Variants in TSPAN16 observed in about 807,000 individuals in gnomAD.
The protein encoded by TSPAN16 is tetraspanin-16.
A neutral mutation model predicts 25.2 loss-of-function variants in TSPAN16; 23 were observed. That is an observed-to-expected ratio of 0.91 (90% CI 0.66 to 1.29). The LOEUF is 1.29. Ranked by LOEUF, TSPAN16 falls within the 50% of genes most tolerant of loss-of-function variation. TSPAN16 has a pLI of 0.00. For missense variants in TSPAN16, 272 were observed against 299.9 expected, an observed-to-expected ratio of 0.91 and a Z score of 0.69; for synonymous variants, 123 against 124.4, an observed-to-expected ratio of 0.99 and a Z score of 0.08.
At chr19:11,302,885 A>AT (rs768528967) in intron 4 of TSPAN16, among the ~76,000 whole-genome samples, 2,555 of 135,070 alleles carry the variant, frequency 0.019, 40 homozygotes, top group Admixed American at 0.036. Flanking sequence ...TGCCTGGCTA[A>AT]TTTTTTTTTT....
downstream of TSPAN16, among the ~76,000 whole-genome samples, chr19:11,319,406 TG>T (rs1467836074): frequency 2.2e-4 from 33 of 152,280 alleles, no homozygotes; most frequent in African/African-American, 7.9e-4. Context: ...GAGACCAGCC[TG>T]GCCTATATGA....
chr19:11,300,985 C>T (rs1295003176), intron 3 of TSPAN16: 3 of 523,940 alleles, frequency 5.7e-6, no homozygotes, highest in East Asian at 6.5e-5. Context: ...ACGCTTGGCT[C>T]CAGACCCACG....
At chr19:11,296,610 G>C (rs2080480967) in intron 1 of TSPAN16, among the ~76,000 whole-genome samples, 1 of 152,250 alleles carries the variant, frequency 6.6e-6, no homozygotes, top group South Asian at 2.1e-4. Context: ...GGTGATGGAA[G>C]AGCTTGGCTC....
chr19:11,321,789 G>A (rs984564573), intron 6 of TSPAN16, among the ~76,000 whole-genome samples: 32 of 152,268 alleles, frequency 2.1e-4, no homozygotes, highest in East Asian at 1.9e-4. Context: ...GGAGGAATGC[G>A]CTGTGACTCA....
chr19:11,298,830 C>T lies in TSPAN16; in HGVS notation c.268-42C>T, dbSNP rs2080509511. On this transcript the variant is annotated intron_variant, in intron 2 of 6. Coordinates refer to ENST00000590327, the MANE Select transcript of TSPAN16 (RefSeq NM_001282509.2). The stretch of plus-strand genomic sequence containing the variant: ...TGCAGGGTATAAGGTCGGGAGGAGG[C>T]TGAGCAGGCTCCCAGGCCCTCTCTC... The T allele has an allele frequency of 6.9e-6, 11 of 1,585,138 alleles. No homozygotes were observed. The East Asian group carries it at 2.5e-4, about 35-fold the overall frequency.
intron 4 of TSPAN16, among the ~76,000 whole-genome samples, chr19:11,302,070 C>G (rs1169519012): frequency 6.6e-6 from 1 of 152,186 alleles, no homozygotes; most frequent in South Asian, 2.1e-4. Flanking sequence ...GTGATCCACC[C>G]GCCTTGGCAT....
Position 11,298,403 on chromosome 19 carries a change from C to A in TSPAN16, c.267+64C>A, listed in dbSNP as rs2080504143. 6 of 1,506,574 alleles carry A rather than the reference C, an allele frequency of 4.0e-6. No individual in the cohort carries two copies. The South Asian group carries it at 5.9e-5, about 15-fold the overall frequency. The allele number at this position is 1,506,574 out of a possible 1,614,324, so 93.3% of individuals were successfully genotyped here. On this transcript the variant is annotated intron_variant, in intron 2 of 6. Transcript: ENST00000590327. ...CCACACACACAAATCTTTTATTGTG[C>A]GTGTTGCAAACAACTTTGCTTGGTG...
intron 6 of TSPAN16, among the ~76,000 whole-genome samples, chr19:11,314,741 G>A (rs142639309): frequency 6.6e-6 from 1 of 152,038 alleles, no homozygotes; most frequent in African/African-American, 2.4e-5. Flanking sequence ...AGGCCTGAAG[G>A]CTCTAGAAAG....
downstream of TSPAN16, among the ~76,000 whole-genome samples, chr19:11,320,065 G>A (rs542939923): frequency 6.1e-4 from 92 of 149,870 alleles, no homozygotes; most frequent in Middle Eastern, 7.0e-3. Context: ...TGACCTGCCC[G>A]CCTCCGCCTC....
downstream of TSPAN16, among the ~76,000 whole-genome samples, chr19:11,320,401 C>G (rs1266835560): frequency 3.3e-5 from 5 of 152,162 alleles, no homozygotes; most frequent in Admixed American, 6.5e-5. Context: ...GAATGACAGG[C>G]ATGAGCCACC....
At chr19:11,300,886 G>C (rs551684230) in intron 3 of TSPAN16, 65 of 208,900 alleles carry the variant, frequency 3.1e-4, no homozygotes, top group Non-Finnish European at 5.8e-4. Context: ...TTCTTTAATG[G>C]AGTTACAGCC....
In TSPAN16 at chr19:11,306,752, A is replaced by G. The variant is rs764031166; in HGVS notation, c.599A>G (p.Gln200Arg). The change falls in exon 5 of 7, where the codon CAG becomes CGG. Residue 200 changes from glutamine to arginine, a missense_variant. Transcript: ENST00000590327. ...GRDVSPNVIH[Q>R]KGCFHKLLKI... ...GATGTGTCTCCAAACGTCATCCACC[A>G]GAAGGTAACTGGAGATTTTGTGTGT... The G allele has an allele frequency of 1.9e-6, 3 of 1,613,606 alleles. No individual in the cohort carries two copies. Among genetic ancestry groups the G allele is most frequent in the Non-Finnish European group, 2.5e-6 (3 of 1,179,674 alleles).
intron 2 of TSPAN16, among the ~76,000 whole-genome samples, chr19:11,298,641 C>T (rs957901749): frequency 6.6e-6 from 1 of 152,040 alleles, no homozygotes; most frequent in African/African-American, 2.4e-5. Flanking sequence ...GCCATGTTGG[C>T]CAGGCTGGTC....
intron 6 of TSPAN16, 37 bp downstream of exon 6, chr19:11,312,259 T>C: frequency 6.7e-7 from 1 of 1,485,170 alleles, no homozygotes; most frequent in Non-Finnish European, 9.3e-7. Flanking sequence ...TGAGCTGTTT[T>C]ATTAAGCACC....
In TSPAN16 at chr19:11,296,302, C is replaced by T. The variant is rs2080477096; in HGVS notation, c.5C>T (p.Ala2Val). 1 of 1,614,152 alleles carries T rather than the reference C, an allele frequency of 6.2e-7. No homozygotes were observed. Among genetic ancestry groups the T allele is most frequent in the Non-Finnish European group, 8.5e-7 (1 of 1,180,018 alleles). M[A>V]EIHTPYSSLK... is the part of the protein sequence containing the mutation. The stretch of plus-strand genomic sequence containing the variant: ...GGGTGCCCCAGTCTGTTCAGCATGG[C>T]TGAAATCCACACTCCGTATTCTTCC... Residue 2 changes from alanine to valine, a missense_variant, in exon 1 of 7, where the codon GCT becomes GTT. Ala to Val is a moderately conservative substitution (Grantham distance 64). Transcript: ENST00000590327.
chr19:11,306,939 C>A lies in TSPAN16; in HGVS notation c.603+183C>A, dbSNP rs569495635. ...CAAGTGATTCTCCCGCCCCAGCCTC[C>A]CAAGTAGCTGGGATCACAGGCATGC... On this transcript the variant is annotated intron_variant, in intron 5 of 6. Coordinates refer to ENST00000590327, the MANE Select transcript of TSPAN16 (RefSeq NM_001282509.2). 642 of 545,912 alleles carry A rather than the reference C, an allele frequency of 1.2e-3. 3 individuals carry two copies. Among genetic ancestry groups the A allele is most frequent in the African/African-American group, 0.011 (596 of 52,360 alleles). 33.8% of individuals were successfully genotyped at this position (545,912 alleles called of 1,614,324 possible). A position where few individuals can be genotyped will look rare whatever the true frequency, so the allele number is the denominator to read the frequency against.
At chr19:11,302,885 ATT>A (rs768528967) in intron 4 of TSPAN16, among the ~76,000 whole-genome samples, 474 of 134,712 alleles carry the variant, frequency 3.5e-3, no homozygotes, top group African/African-American at 0.012. Flanking sequence ...TGCCTGGCTA[ATT>A]TTTTTTTTTT....
downstream of TSPAN16, among the ~76,000 whole-genome samples, chr19:11,320,385 G>C (rs2080771191): frequency 6.6e-6 from 1 of 152,170 alleles, no homozygotes; most frequent in Admixed American, 6.5e-5. Context: ...GCCTCCCAAA[G>C]TGCTGGAATG....
At chr19:11,302,198 T>C (rs771450736) in intron 4 of TSPAN16, among the ~76,000 whole-genome samples, 1 of 151,928 alleles carries the variant, frequency 6.6e-6, no homozygotes, top group Non-Finnish European at 1.5e-5. Flanking sequence ...ATCACCACCA[T>C]CTCTAGAACT....
Sources: gnomAD v4.1 joint callset for allele counts (sites outside exome capture counted in the v4.1 genomes callset) on GRCh38, gnomAD v4.1.1 for gene constraint, MANE v1.5 for transcripts, NCBI Gene and HGNC (gene_info 2026-07-23, HGNC 2026-07-21) for gene names.